Variants in CTNNA2 observed in about 807,000 individuals in gnomAD.
CTNNA2 encodes the protein catenin alpha 2, also known as catenin alpha-2.
Under a neutral mutation model 101.0 loss-of-function variants are expected in CTNNA2, and 42 were observed. That is an observed-to-expected ratio of 0.42 (90% CI 0.32 to 0.54). The LOEUF (loss-of-function observed/expected upper bound fraction) is 0.54. Ranked by LOEUF, CTNNA2 falls within the 20% of genes least tolerant of loss-of-function variation. The probability of loss-of-function intolerance (pLI) is 0.14; values close to 1 mark genes in which losing one functional copy is unlikely to be tolerated. For missense variants in CTNNA2, 871 were observed against 1,223.1 expected, an observed-to-expected ratio of 0.71 and a Z score of 4.29; for synonymous variants, 450 against 456.4, an observed-to-expected ratio of 0.99 and a Z score of 0.18.
intron 9 of CTNNA2, among the ~76,000 whole-genome samples, chr2:80,477,211 A>G (rs1269401189): frequency 6.6e-6 from 1 of 152,280 alleles, no homozygotes; most frequent in East Asian, 1.9e-4. Flanking sequence ...ACAGAAGCAT[A>G]CTACGTAGGA....
chr2:79,207,215 G>A (rs1243666966), intron 2 of CTNNA2, among the ~76,000 whole-genome samples: 1 of 152,200 alleles, frequency 6.6e-6, no homozygotes, highest in Non-Finnish European at 1.5e-5. Context: ...TGTCCTGGGA[G>A]TATTTGCAAA....
chr2:79,884,829 T>A (rs1683722832), intron 6 of CTNNA2, among the ~76,000 whole-genome samples: 1 of 151,434 alleles, frequency 6.6e-6, no homozygotes, highest in Non-Finnish European at 1.5e-5. Flanking sequence ...AATATTGGAA[T>A]GTTAACATGA....
intron 7 of CTNNA2, among the ~76,000 whole-genome samples, chr2:80,306,386 TTTC>T (rs1172684025): frequency 7.5e-6 from 1 of 132,938 alleles, no homozygotes; most frequent in Non-Finnish European, 1.5e-5. Context: ...TTTCTTTTCT[TTTC>T]TTTTCTTTTC....
chr2:79,593,853 C>T (rs12233195), intron 1 of CTNNA2, among the ~76,000 whole-genome samples: 2 of 148,848 alleles, frequency 1.3e-5, no homozygotes, highest in South Asian at 4.3e-4. Flanking sequence ...TCAGTTGCAT[C>T]TGAGCCCCAG....
rs1032388734 is a variant in CTNNA2, at chr2:80,303,931, G to A, written c.1057-89280G>A. The A allele has an allele frequency of 3.1e-6, 4 of 1,290,960 alleles. No individual in the cohort carries two copies. In the African/African-American group the frequency reaches 4.5e-5, roughly 15 times the overall value. The allele number at this position is 1,290,960 out of a possible 1,614,324, so 80.0% of individuals were successfully genotyped here. On this transcript the variant is annotated intron_variant, in intron 7 of 18. Transcript: ENST00000402739. This position sits in a 1 kb window ranked among gnomAD's most constrained non-coding sequence, Gnocchi z 7.7. ...GGAAGCGGGGGAGGGGGAGAAAAGG[G>A]CAAAAAATCAAATAAATACATAGAA...
chr2:80,023,048 A>G (rs76286890), intron 7 of CTNNA2, among the ~76,000 whole-genome samples: 2,963 of 152,276 alleles, frequency 0.019, 101 homozygotes, highest in African/African-American at 0.068. Context: ...GCTCCAAATA[A>G]CTATATTATA....
chr2:79,484,741 A>G (rs1573187636), intron 4 of CTNNA2, among the ~76,000 whole-genome samples: 1 of 152,286 alleles, frequency 6.6e-6, no homozygotes, highest in East Asian at 1.9e-4. Context: ...GTCCACAGGA[A>G]GCTTCTCAAG....
rs1180935597 is a variant in CTNNA2, at chr2:80,643,001, G to A, written c.2575-4584G>A. Among the ~76,000 whole-genome samples, 3 of 152,128 alleles carry A rather than the reference G, an allele frequency of 2.0e-5. No homozygotes were observed. In the East Asian group the frequency reaches 5.8e-4, roughly 29 times the overall value. ...GTCCTATAGAAAGGCCTATAAAACA[G>A]CTCTCCTGCCCCTATTTGCTTTTCA... On this transcript the variant is annotated intron_variant, in intron 18 of 18. Transcript: ENST00000402739.
chr2:80,039,472 G>T (rs1014064681), intron 7 of CTNNA2, among the ~76,000 whole-genome samples: 2 of 152,196 alleles, frequency 1.3e-5, no homozygotes, highest in African/African-American at 2.4e-5. Context: ...GAAGAAAAGT[G>T]AAATTCCAGT....
chr2:79,274,585 G>A (rs938234640), intron 2 of CTNNA2, among the ~76,000 whole-genome samples: 1 of 151,746 alleles, frequency 6.6e-6, no homozygotes, highest in African/African-American at 2.4e-5. Flanking sequence ...AGTATTTTTT[G>A]AAATGATATG....
chr2:80,138,312 A>G (rs572348177), intron 7 of CTNNA2, among the ~76,000 whole-genome samples: 7 of 152,250 alleles, frequency 4.6e-5, no homozygotes, highest in Non-Finnish European at 8.8e-5. Context: ...GACAGCATCA[A>G]CTTTACAGTC....
intron 7 of CTNNA2, among the ~76,000 whole-genome samples, chr2:80,079,016 C>CCCT (rs1698944592): frequency 6.6e-6 from 1 of 152,112 alleles, no homozygotes; most frequent in Non-Finnish European, 1.5e-5. Flanking sequence ...CCTTTGAGAG[C>CCCT]ATTTACAATA....
intron 7 of CTNNA2, among the ~76,000 whole-genome samples, chr2:80,028,813 A>G (rs1695104344): frequency 6.6e-6 from 1 of 152,240 alleles, no homozygotes; most frequent in Admixed American, 6.5e-5. Context: ...GGGAATGCAG[A>G]TGGCCTCTAG....
intron 1 of CTNNA2, among the ~76,000 whole-genome samples, chr2:79,608,382 A>G (rs1205701478): frequency 6.6e-6 from 1 of 152,098 alleles, no homozygotes; most frequent in Non-Finnish European, 1.5e-5. Context: ...AGAATTGAAG[A>G]TAAGGTAGTC....
chr2:79,597,247 A>C (rs757876721), intron 1 of CTNNA2, among the ~76,000 whole-genome samples: 1 of 152,038 alleles, frequency 6.6e-6, no homozygotes, highest in Non-Finnish European at 1.5e-5. Flanking sequence ...CCCAGGCGGC[A>C]TGATCACAAG....
rs1403166012 is a variant in CTNNA2, at chr2:79,338,591, T to TCTC, written c.-318+25797_-318+25798insCCT. On this transcript the variant is annotated intron_variant, in intron 3 of 21. Transcript: ENST00000466387. ...TTCCTCCTCATCATCTTCTTCTTCT[T>TCTC]CTTCTTCTTCTTCTTCTTCTTCTTC... 7.3e-5 allele frequency among the ~76,000 whole-genome samples: 10 copies of TCTC among 137,652 alleles called. No individual in the cohort carries two copies. The South Asian group carries it at 2.4e-3, about 34-fold the overall frequency. The allele number at this position is 137,652 out of a possible 152,430, so 90.3% of individuals were successfully genotyped here.
chr2:79,461,464 C>G (rs903443043), intron 4 of CTNNA2, among the ~76,000 whole-genome samples: 1 of 152,098 alleles, frequency 6.6e-6, no homozygotes, highest in Non-Finnish European at 1.5e-5. Flanking sequence ...GTGCATAGCA[C>G]GAGGATTTTC....
intron 2 of CTNNA2, among the ~76,000 whole-genome samples, chr2:79,305,537 A>G (rs1193789131): frequency 6.6e-6 from 1 of 151,510 alleles, no homozygotes. Flanking sequence ...TGCTTTCTCG[A>G]TCTTACCCCA....
intron 7 of CTNNA2, among the ~76,000 whole-genome samples, chr2:80,020,105 C>G (rs1277141480): frequency 3.3e-5 from 5 of 152,270 alleles, no homozygotes; most frequent in African/African-American, 1.2e-4. Context: ...CTAGAGAGCA[C>G]AGTAATTAAA....
Sources: allele counts gnomAD v4.1 joint callset (sites outside exome capture counted in the v4.1 genomes callset), GRCh38; gene constraint gnomAD v4.1.1; non-coding constraint Gnocchi (gnomAD v3.1); transcripts MANE v1.5; gene names NCBI Gene and HGNC (gene_info 2026-07-23, HGNC 2026-07-21).